CRHR2: variants seen among roughly 807,000 people sequenced by gnomAD.
The protein encoded by CRHR2 is corticotropin-releasing hormone receptor 2.
Under a neutral mutation model 57.9 loss-of-function variants are expected in CRHR2, and 53 were observed. That is an observed-to-expected ratio of 0.92 (90% CI 0.73 to 1.15). The LOEUF (loss-of-function observed/expected upper bound fraction) is 1.15, where lower values mean the gene tolerates loss of function less well. Ranked by LOEUF, CRHR2 falls within the 50% of genes most tolerant of loss-of-function variation. The pLI is 0.00. For synonymous variants in CRHR2, 213 were observed against 220.9 expected, an observed-to-expected ratio of 0.96 and a Z score of 0.32; for missense variants, 532 against 542.6, an observed-to-expected ratio of 0.98 and a Z score of 0.19.
upstream of CRHR2, among the ~76,000 whole-genome samples, chr7:30,685,777 A>G (rs1255011632): frequency 6.6e-6 from 1 of 152,194 alleles, no homozygotes; most frequent in Non-Finnish European, 1.5e-5. Flanking sequence ...CTCCCAGGCC[A>G]TCCTCATCTC....
At chr7:30,658,777 A>G (rs1304692573) in intron 8 of CRHR2, among the ~76,000 whole-genome samples, 2 of 152,242 alleles carry the variant, frequency 1.3e-5, no homozygotes, top group Admixed American at 1.3e-4. Flanking sequence ...GACACCAACA[A>G]TGACAACACC....
chr7:30,655,229 G>A, intron 10 of CRHR2, 149 bp from the exon 11 acceptor site: 1 of 891,864 alleles, frequency 1.1e-6, no homozygotes, highest in Non-Finnish European at 1.7e-6. Flanking sequence ...CCTAGCCTCA[G>A]GGTGCAGATA....
intron 2 of CRHR2, among the ~76,000 whole-genome samples, chr7:30,669,694 C>G (rs1222727448): frequency 2.0e-5 from 3 of 152,178 alleles, no homozygotes; most frequent in Non-Finnish European, 2.9e-5. Context: ...TTTCTTGCCA[C>G]CTTGACCATG....
intron 1 of CRHR2, chr7:30,689,432 G>T: frequency 1.4e-6 from 1 of 703,518 alleles, no homozygotes; most frequent in Non-Finnish European, 2.4e-6. Context: ...ATGGCCACAT[G>T]GAGCAGCAGC....
At chr7:30,662,352 G>T in intron 6 of CRHR2, 136 bp from the exon 7 acceptor site, 1 of 1,019,078 alleles carries the variant, frequency 9.8e-7, no homozygotes, top group Non-Finnish European at 1.5e-6. Context: ...AACCCCAGGG[G>T]TGCCCTGTCC....
At chr7:30,657,814 TTCCA>T (rs966919479) in intron 8 of CRHR2, among the ~76,000 whole-genome samples, 4 of 152,054 alleles carry the variant, frequency 2.6e-5, no homozygotes, top group East Asian at 1.9e-4. Context: ...CCTTCCTTCC[TTCCA>T]TCCATCCATC....
chr7:30,688,655 G>T (rs1037840515), intron 2 of CRHR2, among the ~76,000 whole-genome samples: 2 of 152,208 alleles, frequency 1.3e-5, no homozygotes, highest in African/African-American at 4.8e-5. Context: ...GGGAAGGCCA[G>T]GATACAGGGT....
rs1020225564 is a variant in CRHR2 at position 30,656,959 on chromosome 7, A to C, written c.832-947T>G. Among the ~76,000 whole-genome samples, 13 of 152,112 alleles carry C rather than the reference A, an allele frequency of 8.5e-5. No homozygotes were observed. Among genetic ancestry groups the C allele is most frequent in the Non-Finnish European group, 1.5e-4 (10 of 68,000 alleles). On this transcript the variant is annotated intron_variant, in intron 8 of 11. Coordinates refer to ENST00000471646, the MANE Select transcript of CRHR2 (RefSeq NM_001883.5). This position sits in a 1 kb window ranked among gnomAD's most constrained non-coding sequence, Gnocchi z 4.4. ...CACCTGCCTCCGAGCATAGGCAGGC[A>C]GGCAGGCAAGGGAGTGTGTGTCGGC...
intron 2 of CRHR2, among the ~76,000 whole-genome samples, chr7:30,680,818 T>TTG (rs60568949): frequency 0.023 from 3,281 of 145,396 alleles, 115 homozygotes; most frequent in African/African-American, 0.073. Flanking sequence ...TTCTGAAAGC[T>TTG]TGTGTGTGTG....
intron 2 of CRHR2, chr7:30,688,789 G>C (rs1213094167): frequency 2.2e-6 from 1 of 458,020 alleles, no homozygotes. Flanking sequence ...ACTCAGGGCC[G>C]GGCTGCTGCT....
chr7:30,671,893 G>A (rs60139729), intron 2 of CRHR2, among the ~76,000 whole-genome samples: 66 of 151,258 alleles, frequency 4.4e-4, no homozygotes, highest in Non-Finnish European at 6.3e-4. Flanking sequence ...GGAGGAGGAG[G>A]AGAAGAAGAA....
At chr7:30,679,748 T>A (rs1784638256) in intron 2 of CRHR2, among the ~76,000 whole-genome samples, 1 of 152,262 alleles carries the variant, frequency 6.6e-6, no homozygotes, top group African/African-American at 2.4e-5. Flanking sequence ...CCTCTGTCAT[T>A]CTTTTTAAAG....
intron 1 of CRHR2, among the ~76,000 whole-genome samples, chr7:30,695,765 A>T (rs894504074): frequency 6.6e-6 from 1 of 152,244 alleles, no homozygotes; most frequent in Non-Finnish European, 1.5e-5. Context: ...CATTAAAATT[A>T]AAATTTTGTT....
At position 30,681,923 on chromosome 7, in the gene CRHR2, T is replaced by A. The variant is rs1313670776; in HGVS notation, c.221A>T (p.Asn74Ile). ...GGGCCGGGGGCACTCACGGGTCGTGTTGTACTTGACGCCGTTGAAGTACTC... is the reference window on the plus strand; with the variant it reads ...GGGCCGGGGGCACTCACGGGTCGTGATGTACTTGACGCCGTTGAAGTACTC... Reference protein sequence around the residue: ...CPEYFNGVKYNTTRNAYRECL... With the variant: ...CPEYFNGVKYITTRNAYRECL... Residue 74 changes from asparagine (N) to isoleucine (I), a missense_variant, in exon 2 of 12, where the codon AAC (asparagine) becomes ATC (isoleucine). Transcript: ENST00000471646. 6.2e-7 allele frequency: 1 copy of A among 1,611,096 alleles called. No homozygotes were observed. Among genetic ancestry groups the A allele is most frequent in the Non-Finnish European group, 8.5e-7 (1 of 1,179,046 alleles).
chr7:30,661,908 C>T (rs1014643293), intron 7 of CRHR2, among the ~76,000 whole-genome samples: 4 of 151,978 alleles, frequency 2.6e-5, no homozygotes, highest in Non-Finnish European at 4.4e-5. Flanking sequence ...AGGGGTCATG[C>T]GTTGGGTCGG....
At chr7:30,658,745 G>A (rs1308416603) in intron 8 of CRHR2, among the ~76,000 whole-genome samples, 2 of 152,250 alleles carry the variant, frequency 1.3e-5, no homozygotes, top group Admixed American at 1.3e-4. Context: ...GTCTGGCCTA[G>A]TGACTGCCAA....
At position 30,681,936 on chromosome 7, in the gene CRHR2, C is replaced by A. The variant is rs1784722703; in HGVS notation, c.208G>T (p.Gly70Cys). 6.2e-7 allele frequency: 1 copy of A among 1,612,288 alleles called. No individual in the cohort carries two copies. The highest frequency in any genetic ancestry group is 1.1e-5 in the South Asian group (1 of 90,758). ...VERPCPEYFN[G>C]VKYNTTRNAY... ...TCACGGGTCGTGTTGTACTTGACGC[C>A]GTTGAAGTACTCGGGGCACGGCCTC... The change falls in exon 2 of 12, where the codon GGC becomes TGC. Residue 70 changes from glycine (G) to cysteine (C), a missense_variant. Coordinates refer to ENST00000471646, the MANE Select transcript of CRHR2 (RefSeq NM_001883.5).
At chr7:30,678,884 T>C (rs1342452906) in intron 2 of CRHR2, among the ~76,000 whole-genome samples, 1 of 152,172 alleles carries the variant, frequency 6.6e-6, no homozygotes, top group African/African-American at 2.4e-5. Context: ...AGAAATCCCC[T>C]TACTTCTCCT....
chr7:30,668,515 T>C (rs1206276870), intron 2 of CRHR2, among the ~76,000 whole-genome samples: 1 of 152,152 alleles, frequency 6.6e-6, no homozygotes, highest in Non-Finnish European at 1.5e-5. Context: ...TTAAAATAAA[T>C]AGCTTGCAGA....
Sources: allele counts gnomAD v4.1 joint callset (sites outside exome capture counted in the v4.1 genomes callset), GRCh38; gene constraint gnomAD v4.1.1; non-coding constraint Gnocchi (gnomAD v3.1); transcripts MANE v1.5; gene names NCBI Gene and HGNC (gene_info 2026-07-23, HGNC 2026-07-21).